The following ZNG1E variants were observed in gnomAD, a reference collection of about 807,000 sequenced individuals.
The protein encoded by ZNG1E is Zn regulated GTPase metalloprotein activator 1E.
At chr9:65,709,233 T>G in the ZNG1E span, among the ~76,000 whole-genome samples, 1 of 146,990 alleles carries the variant, frequency 6.8e-6, no homozygotes, top group African/African-American at 2.6e-5. Flanking sequence ...TCTAATACTC[T>G]TTCTATGAGA....
the ZNG1E span, among the ~76,000 whole-genome samples, chr9:65,658,755 G>A: frequency 4.3e-5 from 5 of 117,394 alleles, no homozygotes; most frequent in East Asian, 4.7e-4. Flanking sequence ...GTCTAAGATC[G>A]AGGTGACAGC....
chr9:65,687,935 T>C, the ZNG1E span, among the ~76,000 whole-genome samples: 1 of 151,288 alleles, frequency 6.6e-6, no homozygotes, highest in East Asian at 1.9e-4. Flanking sequence ...TCTAAGAACA[T>C]TTTCCTTGTT....
chr9:65,672,528 G>A, the ZNG1E span, among the ~76,000 whole-genome samples: 3 of 151,734 alleles, frequency 2.0e-5, no homozygotes, highest in Non-Finnish European at 4.4e-5. Context: ...GATGGATCAG[G>A]AGGTCAGGAG....
At chr9:65,721,514 T>C in the ZNG1E span, among the ~76,000 whole-genome samples, 1 of 150,276 alleles carries the variant, frequency 6.7e-6, no homozygotes, top group Admixed American at 6.6e-5. Flanking sequence ...AGTAAACTCC[T>C]TGTATGCATC....
chr9:65,657,138 C>T, the ZNG1E span, among the ~76,000 whole-genome samples: 4 of 152,056 alleles, frequency 2.6e-5, no homozygotes, highest in African/African-American at 9.6e-5. Context: ...CGTAGTACAG[C>T]CACTATGGAG....
the ZNG1E span, chr9:65,703,790 C>A: frequency 7.4e-5 from 72 of 971,298 alleles, 11 homozygotes; most frequent in African/African-American, 1.2e-3. Flanking sequence ...AGAGGTGCTG[C>A]CAGACTGCCA....
the ZNG1E span, among the ~76,000 whole-genome samples, chr9:65,686,030 CT>C: frequency 9.0e-5 from 12 of 132,618 alleles, no homozygotes; most frequent in Non-Finnish European, 1.6e-4. Flanking sequence ...TTGAAGGAAT[CT>C]TTTTTTTTCT....
the ZNG1E span, among the ~76,000 whole-genome samples, chr9:65,725,435 C>A: frequency 7.4e-6 from 1 of 134,458 alleles, no homozygotes; most frequent in East Asian, 2.0e-4. Flanking sequence ...CTCCCTCTGA[C>A]CCCTGGTAAC....
the ZNG1E span, among the ~76,000 whole-genome samples, chr9:65,681,005 G>A: frequency 2.0e-5 from 3 of 152,136 alleles, no homozygotes; most frequent in Non-Finnish European, 2.9e-5. Context: ...AGCGAGGGTG[G>A]TCTCGATCTC....
chr9:65,684,331 G>A, the ZNG1E span, among the ~76,000 whole-genome samples: 4 of 150,666 alleles, frequency 2.7e-5, no homozygotes, highest in Admixed American at 6.7e-5. Context: ...GAGGCCAGGA[G>A]TTCAAGACCA....
chr9:65,660,826 CAGATAT>C, the ZNG1E span, among the ~76,000 whole-genome samples: 107 of 76,618 alleles, frequency 1.4e-3, no homozygotes, highest in African/African-American at 4.9e-3. Flanking sequence ...TGTGGTTATA[CAGATAT>C]ATATATATAT....
the ZNG1E span, among the ~76,000 whole-genome samples, chr9:65,658,279 C>T: frequency 2.6e-5 from 4 of 151,778 alleles, no homozygotes; most frequent in African/African-American, 9.7e-5. Context: ...AAGGGACATT[C>T]AAGAAACAAA....
the ZNG1E span, chr9:65,707,136 A>G: frequency 2.9e-5 from 3 of 104,982 alleles, no homozygotes; most frequent in Admixed American, 1.1e-4. Flanking sequence ...TCACCCTCCG[A>G]GTAGCTGGGA....
At chr9:65,681,374 G>A in the ZNG1E span, among the ~76,000 whole-genome samples, 5 of 152,248 alleles carry the variant, frequency 3.3e-5, no homozygotes, top group South Asian at 8.3e-4. Flanking sequence ...TTTTTTCAGG[G>A]CTTAAGTCAT....
chr9:65,687,312 T>G, the ZNG1E span, among the ~76,000 whole-genome samples: 8 of 142,034 alleles, frequency 5.6e-5, no homozygotes, highest in African/African-American at 2.1e-4. Context: ...GTACTGTTGC[T>G]TCTCCATTCC....
chr9:65,714,769 C>T, the ZNG1E span, among the ~76,000 whole-genome samples: 57 of 151,656 alleles, frequency 3.8e-4, no homozygotes, highest in Middle Eastern at 3.4e-3. Flanking sequence ...AGATCTCCAG[C>T]TGTGTGCTGG....
At chr9:65,719,715 T>G in the ZNG1E span, 7 of 184,776 alleles carry the variant, frequency 3.8e-5, no homozygotes, top group African/African-American at 1.3e-4. Flanking sequence ...TATATATATA[T>G]TTAAGTTTGT....
the ZNG1E span, among the ~76,000 whole-genome samples, chr9:65,672,321 TGAG>T: frequency 6.6e-6 from 1 of 152,134 alleles, no homozygotes; most frequent in South Asian, 2.1e-4. Context: ...CAAAGCTAAA[TGAG>T]GAGGAATTTT....
chr9:65,660,710 A>G, the ZNG1E span, among the ~76,000 whole-genome samples: 6 of 151,252 alleles, frequency 4.0e-5, no homozygotes, highest in African/African-American at 1.2e-4. Flanking sequence ...GGCAACATCA[A>G]TTTGTAGTAT....
Sources: allele counts gnomAD v4.1 joint callset (sites outside exome capture counted in the v4.1 genomes callset), GRCh38; gene constraint gnomAD v4.1.1; transcripts MANE v1.5; gene names NCBI Gene and HGNC (gene_info 2026-07-23, HGNC 2026-07-21).